PHLDB2: variants seen among roughly 807,000 people sequenced by gnomAD.
PHLDB2 encodes the protein pleckstrin homology like domain family B member 2.
A neutral mutation model predicts 123.6 loss-of-function variants in PHLDB2; 71 were observed. That is an observed-to-expected ratio of 0.57 (90% CI 0.47 to 0.70). PHLDB2 has a LOEUF of 0.70. Among genes scored for constraint, PHLDB2 ranks in the 30% least tolerant of loss-of-function variants. The pLI is 0.00. For synonymous variants in PHLDB2, 547 were observed against 541.6 expected (o/e 1.01, Z -0.14); for missense variants, 1,446 against 1,519.5 (o/e 0.95, Z 0.80).
rs199513482 is a variant in PHLDB2, at chr3:111,884,601, C to T, written c.524C>T (p.Ser175Leu). 31 of 1,614,098 alleles carry T rather than the reference C, an allele frequency of 1.9e-5. No individual in the cohort carries two copies. The highest frequency in any genetic ancestry group is 2.4e-5 in the Non-Finnish European group (28 of 1,180,008). Residue 175 changes from serine to leucine, a missense_variant, in exon 2 of 18, where the codon TCG becomes TTG. Ser to Leu is a moderately radical substitution (Grantham distance 145). Coordinates refer to ENST00000431670, the MANE Select transcript of PHLDB2 (RefSeq NM_001134438.2). ...GGLEGRKASG[S>L]LLAMWNGSSL... is the part of the protein sequence containing the mutation. ...CTGGAAGGTCGGAAGGCATCTGGCT[C>T]GCTCCTGGCCATGTGGAATGGAAGT...
chr3:111,959,173 GGCC>G (rs1313977653), intron 12 of PHLDB2, among the ~76,000 whole-genome samples: 12 of 152,238 alleles, frequency 7.9e-5, no homozygotes, highest in African/African-American at 2.9e-4. Flanking sequence ...GCCTTTGGAT[GGCC>G]AGGCCAGAGC....
At chr3:111,948,725 G>A (rs914546649) in intron 9 of PHLDB2, among the ~76,000 whole-genome samples, 1 of 152,112 alleles carries the variant, frequency 6.6e-6, no homozygotes, top group Admixed American at 6.5e-5. Flanking sequence ...GAAAAATTAT[G>A]TTTAATACTT....
chr3:111,743,351 A>G (rs1340966993), intron 1 of PHLDB2, among the ~76,000 whole-genome samples: 1 of 152,160 alleles, frequency 6.6e-6, no homozygotes, highest in Non-Finnish European at 1.5e-5. Flanking sequence ...CATCGTTTGG[A>G]CTGGAGACTT....
intron 1 of PHLDB2, among the ~76,000 whole-genome samples, chr3:111,786,166 T>C (rs2060671369): frequency 6.6e-6 from 1 of 152,200 alleles, no homozygotes; most frequent in African/African-American, 2.4e-5. Context: ...ACTGGACCTA[T>C]GGACATTCTC....
At chr3:111,818,056 G>T (rs2062179831) in intron 1 of PHLDB2, among the ~76,000 whole-genome samples, 1 of 151,896 alleles carries the variant, frequency 6.6e-6, no homozygotes, top group African/African-American at 2.4e-5. Context: ...GATCTCTTGT[G>T]AAAAAAGGCC....
intron 1 of PHLDB2, among the ~76,000 whole-genome samples, chr3:111,867,416 AAAT>A (rs1445319364): frequency 6.6e-6 from 1 of 150,780 alleles, no homozygotes; most frequent in East Asian, 1.9e-4. Flanking sequence ...ATGTATACTA[AAAT>A]AATAATAAAA....
At chr3:111,888,333 G>A (rs2066292168) in intron 2 of PHLDB2, among the ~76,000 whole-genome samples, 1 of 151,924 alleles carries the variant, frequency 6.6e-6, no homozygotes, top group South Asian at 2.1e-4. Flanking sequence ...AAACCTAAAA[G>A]TAGTTCAGGA....
intron 1 of PHLDB2, among the ~76,000 whole-genome samples, chr3:111,734,448 A>G (rs533814086): frequency 3.7e-4 from 56 of 152,286 alleles, no homozygotes; most frequent in Middle Eastern, 3.4e-3. Context: ...TGCATTGGCC[A>G]TATTTCCCCA....
In PHLDB2 at chr3:111,976,144, C is replaced by G. The variant is rs1044114754; in HGVS notation, c.*1581C>G. ...AGATATGACTTTTCTGCACTGTACT[C>G]TCTTCATAGGATTGTAAAGGTGTTC... On this transcript the variant is annotated 3_prime_UTR_variant, in exon 18 of 18. Transcript: ENST00000431670. 6.6e-6 allele frequency: 1 copy of G among 151,770 alleles called. No individual in the cohort carries two copies. The highest frequency in any genetic ancestry group is 1.5e-5 in the Non-Finnish European group (1 of 68,030). The allele number at this position is 151,770 out of a possible 1,614,324, so 9.4% of individuals were successfully genotyped here.
At chr3:111,903,897 T>A (rs2067346219) in intron 2 of PHLDB2, among the ~76,000 whole-genome samples, 2 of 152,144 alleles carry the variant, frequency 1.3e-5, no homozygotes, top group African/African-American at 4.8e-5. Flanking sequence ...TTAAAAAAAA[T>A]AATAACTGTG....
At chr3:111,873,933 A>G (rs2065467932) in intron 1 of PHLDB2, among the ~76,000 whole-genome samples, 1 of 152,232 alleles carries the variant, frequency 6.6e-6, no homozygotes, top group African/African-American at 2.4e-5. Flanking sequence ...AGCGAGAAAT[A>G]CACGATTATT....
At chr3:111,924,780 A>G (rs2068723142) in intron 5 of PHLDB2, among the ~76,000 whole-genome samples, 2 of 152,222 alleles carry the variant, frequency 1.3e-5, no homozygotes, top group South Asian at 4.1e-4. Flanking sequence ...GGCCGGAGCC[A>G]TAGGAAAAAG....
chr3:111,831,931 G>T (rs2063056355), intron 1 of PHLDB2, among the ~76,000 whole-genome samples: 1 of 152,060 alleles, frequency 6.6e-6, no homozygotes, highest in Admixed American at 6.5e-5. Context: ...TGGCCTTTAG[G>T]GTGAACAAGG....
chr3:111,917,196 C>T (rs1043893350), intron 3 of PHLDB2: 1 of 152,130 alleles, frequency 6.6e-6, no homozygotes, highest in African/African-American at 2.4e-5. Flanking sequence ...TCCTAGATGG[C>T]ATTTATTGCT....
intron 8 of PHLDB2, 38 bp downstream of exon 8, chr3:111,940,683 A>C: frequency 7.9e-7 from 1 of 1,270,298 alleles, no homozygotes; most frequent in Non-Finnish European, 1.1e-6. Flanking sequence ...ACAGTAAAAC[A>C]TAGGTTCCAA....
At chr3:111,903,727 A>G (rs1370131846) in intron 2 of PHLDB2, among the ~76,000 whole-genome samples, 2 of 152,184 alleles carry the variant, frequency 1.3e-5, no homozygotes, top group African/African-American at 2.4e-5. Flanking sequence ...AGCACCTACT[A>G]CAAGACTGGC....
At chr3:111,873,313 G>C (rs1390996470) in intron 1 of PHLDB2, among the ~76,000 whole-genome samples, 1 of 150,244 alleles carries the variant, frequency 6.7e-6, no homozygotes, top group East Asian at 1.9e-4. Context: ...AAAAGTGGTG[G>C]CACTTCCTGG....
chr3:111,749,240 G>C (rs68097220), intron 1 of PHLDB2, among the ~76,000 whole-genome samples: 7,534 of 152,104 alleles, frequency 0.05, 258 homozygotes, highest in Middle Eastern at 0.075. Context: ...TCTTGAAAGA[G>C]ATCTTAAACT....
chr3:111,917,669 G>T (rs1270324001), intron 3 of PHLDB2: 2 of 152,200 alleles, frequency 1.3e-5, no homozygotes, highest in African/African-American at 4.8e-5. Flanking sequence ...TCAAAGCTTG[G>T]AAGAGCTGCT....
Sources: allele counts gnomAD v4.1 joint callset (sites outside exome capture counted in the v4.1 genomes callset), GRCh38; gene constraint gnomAD v4.1.1; transcripts MANE v1.5; gene names NCBI Gene and HGNC (gene_info 2026-07-23, HGNC 2026-07-21).